Variants in SDK1 observed in about 807,000 individuals in gnomAD.
The protein encoded by SDK1 is sidekick cell adhesion molecule 1.
A neutral mutation model predicts 245.5 loss-of-function variants in SDK1; 157 were observed. The observed-to-expected ratio is 0.64, with a 90% CI of 0.56 to 0.73. The LOEUF is 0.73. Ranked by LOEUF, SDK1 falls within the 30% of genes least tolerant of loss-of-function variation. SDK1 has a pLI of 0.00. For synonymous variants in SDK1, 1,647 were observed against 1,278.5 expected (o/e 1.29, Z -6.15); for missense variants, 3,583 against 3,002.3 (o/e 1.19, Z -4.52).
At chr7:4,201,756 G>A (rs557997653) in intron 35 of SDK1, among the ~76,000 whole-genome samples, 97 of 152,274 alleles carry the variant, frequency 6.4e-4, no homozygotes, top group African/African-American at 2.2e-3. Context: ...GACTGGCATG[G>A]CACAGGGTGG....
intron 4 of SDK1, among the ~76,000 whole-genome samples, chr7:3,666,758 A>G (rs1328812075): frequency 6.6e-6 from 1 of 152,246 alleles, no homozygotes; most frequent in African/African-American, 2.4e-5. Context: ...GAAAACAAAA[A>G]AAATCAAAGG....
At chr7:3,463,917 T>G (rs1487815640) in intron 1 of SDK1, among the ~76,000 whole-genome samples, 1 of 152,232 alleles carries the variant, frequency 6.6e-6, no homozygotes, top group Non-Finnish European at 1.5e-5. Context: ...TTGTTCTGCC[T>G]TAGGCATGTG....
At chr7:3,805,339 A>G (rs1250389563) in intron 4 of SDK1, among the ~76,000 whole-genome samples, 1 of 152,208 alleles carries the variant, frequency 6.6e-6, no homozygotes, top group Non-Finnish European at 1.5e-5. Context: ...GAGGCAGTTC[A>G]CTTTTTCCTT....
At chr7:3,629,484 C>G (rs1782226021) in intron 2 of SDK1, among the ~76,000 whole-genome samples, 1 of 152,108 alleles carries the variant, frequency 6.6e-6, no homozygotes, top group Non-Finnish European at 1.5e-5. Flanking sequence ...GTTCCCTGTG[C>G]TTACACAGGA....
intron 4 of SDK1, among the ~76,000 whole-genome samples, chr7:3,785,670 C>T (rs1052723301): frequency 2.6e-5 from 4 of 151,902 alleles, no homozygotes; most frequent in African/African-American, 9.7e-5. Flanking sequence ...TTGAACATAT[C>T]TGGTAAATTA....
At chr7:3,965,967 A>C (rs766522979) in intron 9 of SDK1, among the ~76,000 whole-genome samples, 3 of 151,832 alleles carry the variant, frequency 2.0e-5, no homozygotes, top group Non-Finnish European at 2.9e-5. Flanking sequence ...CAGGGTGGCC[A>C]TGACGGGCTG....
rs1460050166 is a variant in SDK1 at position 4,265,358 on chromosome 7, C to T, written c.6616C>T (p.Leu2206Phe). 6.2e-6 allele frequency: 9 copies of T among 1,453,706 alleles called. No individual in the cohort carries two copies. In the Admixed American group the frequency reaches 1.1e-4, roughly 18 times the overall value. 90.1% of individuals were successfully genotyped at this position (1,453,706 alleles called of 1,614,324 possible). ...CGCTGGCCCCGGCGCGCGAACTCCG[C>T]TCACCGGCTTCTCCTCCTTCGTGTG... Reference protein sequence around the residue: ...TPAGPGARTPLTGFSSFV With the variant: ...TPAGPGARTPFTGFSSFV Residue 2206 changes from leucine (L) to phenylalanine (F), a missense_variant, in exon 45 of 45, where the codon CTC (leucine) becomes TTC (phenylalanine). By Grantham distance (22) the Leu-to-Phe change is conservative. Transcript: ENST00000404826.
At chr7:4,254,395 C>T (rs1294594903) in intron 44 of SDK1, among the ~76,000 whole-genome samples, 1 of 152,158 alleles carries the variant, frequency 6.6e-6, no homozygotes, top group Non-Finnish European at 1.5e-5. Flanking sequence ...CTCAAGTCTA[C>T]TATTGAGCCT....
intron 5 of SDK1, among the ~76,000 whole-genome samples, chr7:3,856,507 C>T (rs1320063683): frequency 7.0e-6 from 1 of 142,012 alleles, no homozygotes; most frequent in Admixed American, 7.2e-5. Context: ...AAAAAAGCAG[C>T]TGGCCGGGCA....
chr7:3,512,695 T>A (rs1025256659), intron 1 of SDK1, among the ~76,000 whole-genome samples: 1 of 152,216 alleles, frequency 6.6e-6, no homozygotes, highest in African/African-American at 2.4e-5. Flanking sequence ...CTTTGGCTCA[T>A]TTTTTAATTG....
intron 2 of SDK1, among the ~76,000 whole-genome samples, chr7:3,636,459 A>G (rs1016498271): frequency 6.6e-6 from 1 of 152,182 alleles, no homozygotes; most frequent in South Asian, 2.1e-4. Context: ...GGTATCAGGT[A>G]GGATTTGTTC....
At chr7:3,685,808 C>T (rs1026374905) in intron 4 of SDK1, among the ~76,000 whole-genome samples, 5 of 151,820 alleles carry the variant, frequency 3.3e-5, no homozygotes, top group Non-Finnish European at 5.9e-5. Context: ...TCACAACGGA[C>T]TTCTAAAAAA....
Position 3,539,595 on chromosome 7 carries a change from C to T in SDK1, c.299-79485C>T, listed in dbSNP as rs372419632. On this transcript the variant is annotated intron_variant, in intron 1 of 44. Coordinates refer to ENST00000404826, the MANE Select transcript of SDK1 (RefSeq NM_152744.4). ...TTGCCTGGCTCATTAAGAGCAGGGC[C>T]GTATCACATCTGTCTTTCAAAACCT... is the stretch of plus-strand genomic sequence containing the variant. Among the ~76,000 whole-genome samples, 13 of 152,198 alleles carry T rather than the reference C, an allele frequency of 8.5e-5. No individual in the cohort carries two copies. The South Asian group carries it at 2.1e-3, about 24-fold the overall frequency.
intron 1 of SDK1, among the ~76,000 whole-genome samples, chr7:3,369,084 G>A (rs189840002): frequency 6.6e-6 from 1 of 150,624 alleles, no homozygotes; most frequent in Non-Finnish European, 1.5e-5. Flanking sequence ...TTGCTCTGTT[G>A]GCCAGGCTGG....
chr7:3,522,001 G>T (rs1782954723), intron 1 of SDK1, among the ~76,000 whole-genome samples: 1 of 151,900 alleles, frequency 6.6e-6, no homozygotes, highest in South Asian at 2.1e-4. Flanking sequence ...TACGATATGG[G>T]GTTTGGGCCA....
At chr7:3,806,290 ATGT>A (rs1779242731) in intron 4 of SDK1, among the ~76,000 whole-genome samples, 2 of 129,668 alleles carry the variant, frequency 1.5e-5, no homozygotes, top group Non-Finnish European at 3.2e-5. Flanking sequence ...TAGGATGTGG[ATGT>A]CCACATTAGG....
At chr7:3,550,930 C>G (rs181436630) in intron 1 of SDK1, among the ~76,000 whole-genome samples, 3 of 152,216 alleles carry the variant, frequency 2.0e-5, no homozygotes, top group East Asian at 3.9e-4. Flanking sequence ...TTCAGACTTT[C>G]TTCTTATCAT....
chr7:3,449,094 T>C (rs569205956), intron 1 of SDK1, among the ~76,000 whole-genome samples: 35 of 152,342 alleles, frequency 2.3e-4, no homozygotes, highest in Middle Eastern at 3.4e-3. Flanking sequence ...GCTCTTTGCT[T>C]TTCACATACA....
At chr7:3,545,937 A>T (rs567911310) in intron 1 of SDK1, among the ~76,000 whole-genome samples, 4 of 152,368 alleles carry the variant, frequency 2.6e-5, no homozygotes, top group Non-Finnish European at 5.9e-5. Context: ...AATCAAGAAT[A>T]CCTAAATCAG....
Sources: allele counts gnomAD v4.1 joint callset (sites outside exome capture counted in the v4.1 genomes callset), GRCh38; gene constraint gnomAD v4.1.1; transcripts MANE v1.5; gene names NCBI Gene and HGNC (gene_info 2026-07-23, HGNC 2026-07-21).